The following TTLL5 variants were observed in gnomAD, a reference collection of about 807,000 sequenced individuals.
The protein encoded by TTLL5 is tubulin tyrosine ligase like 5.
In TTLL5, 132 loss-of-function variants were observed where a neutral mutation model predicts 168.4. The observed-to-expected ratio is 0.78, with a 90% CI of 0.68 to 0.91. The LOEUF is 0.91. Among genes scored for constraint, TTLL5 ranks in the 40% least tolerant of loss-of-function variants. The pLI is 0.00. For missense variants in TTLL5, 1,545 were observed against 1,581.5 expected (o/e 0.98, Z 0.39); for synonymous variants, 546 against 558.6 (o/e 0.98, Z 0.32).
At chr14:75,927,566 AGT>A (rs2140158163) in intron 31 of TTLL5, among the ~76,000 whole-genome samples, 1 of 152,332 alleles carries the variant, frequency 6.6e-6, no homozygotes, top group Admixed American at 6.5e-5. Context: ...ATACGTATTT[AGT>A]GTGTCCTGTT....
At chr14:75,950,559 GA>G (rs1233694188) in intron 31 of TTLL5, among the ~76,000 whole-genome samples, 11 of 152,226 alleles carry the variant, frequency 7.2e-5, no homozygotes, top group African/African-American at 2.7e-4. Context: ...AAACAAATGT[GA>G]AGAGATGAAA....
At chr14:75,696,174 G>T (rs1015977005) in intron 6 of TTLL5, among the ~76,000 whole-genome samples, 1 of 152,058 alleles carries the variant, frequency 6.6e-6, no homozygotes. Context: ...ACAGGTGTGA[G>T]TGAGCCTATT....
At chr14:75,883,373 A>C (rs1007656003) in intron 30 of TTLL5, among the ~76,000 whole-genome samples, 1 of 152,254 alleles carries the variant, frequency 6.6e-6, no homozygotes, top group African/African-American at 2.4e-5. Flanking sequence ...TTGTTAAGTC[A>C]AAATCCTTCA....
At chr14:75,945,630 C>A (rs1042860088) in intron 31 of TTLL5, among the ~76,000 whole-genome samples, 3 of 151,852 alleles carry the variant, frequency 2.0e-5, no homozygotes, top group Non-Finnish European at 4.4e-5. Flanking sequence ...ATTGGGAATG[C>A]AGCACAGAAA....
chr14:75,842,297 C>T (rs775714744), intron 28 of TTLL5, among the ~76,000 whole-genome samples: 4 of 152,204 alleles, frequency 2.6e-5, no homozygotes, highest in Non-Finnish European at 4.4e-5. Flanking sequence ...TCTGGACTGT[C>T]GCTCTCCCAC....
chr14:75,850,019 T>C (rs1444440552), intron 28 of TTLL5, among the ~76,000 whole-genome samples: 1 of 151,824 alleles, frequency 6.6e-6, no homozygotes. Context: ...GGTGGGAGGA[T>C]TGCTTGAGCC....
chr14:75,788,434 A>G (rs184020047), intron 26 of TTLL5, among the ~76,000 whole-genome samples: 4 of 152,246 alleles, frequency 2.6e-5, no homozygotes, highest in Admixed American at 1.3e-4. Context: ...AAAAGCAGAC[A>G]TAGAAAATAT....
intron 27 of TTLL5, among the ~76,000 whole-genome samples, chr14:75,806,938 C>G (rs761612317): frequency 2.6e-5 from 4 of 152,098 alleles, no homozygotes; most frequent in Non-Finnish European, 5.9e-5. Flanking sequence ...AGTCATCTTT[C>G]TATTCTGTGT....
chr14:75,843,877 G>GTTTTGTTTTGTTTTGTTTTA (rs1208784264), intron 28 of TTLL5, among the ~76,000 whole-genome samples: 33 of 130,708 alleles, frequency 2.5e-4, no homozygotes, highest in African/African-American at 9.8e-4. Flanking sequence ...GTTTTGTTTT[G>GTTTTGTTTTGTTTTGTTTTA]TTTTATTTTA....
intron 21 of TTLL5, among the ~76,000 whole-genome samples, chr14:75,774,329 C>G (rs1891580875): frequency 6.6e-6 from 1 of 152,040 alleles, no homozygotes; most frequent in South Asian, 2.1e-4. Context: ...CTTTCTTTAC[C>G]TTAATAACTT....
chr14:75,788,277 G>T (rs1566604833), intron 26 of TTLL5, among the ~76,000 whole-genome samples: 1 of 151,994 alleles, frequency 6.6e-6, no homozygotes, highest in African/African-American at 2.4e-5. Context: ...AAAGATAAGA[G>T]CAATAATTAT....
At chr14:75,738,503 G>A (rs1022565783) in intron 15 of TTLL5, among the ~76,000 whole-genome samples, 1 of 152,144 alleles carries the variant, frequency 6.6e-6, no homozygotes. Context: ...ATAACTTACT[G>A]GATGCCTTGT....
chr14:75,752,834 T>A, intron 17 of TTLL5, 59 bp from the exon 18 acceptor site: 2 of 1,501,952 alleles, frequency 1.3e-6, no homozygotes, highest in Non-Finnish European at 1.8e-6. Context: ...TGGTTGTATT[T>A]CTACATTTTC....
At chr14:75,703,651 C>G (rs750829853) in intron 7 of TTLL5, among the ~76,000 whole-genome samples, 1 of 152,146 alleles carries the variant, frequency 6.6e-6, no homozygotes, top group Non-Finnish European at 1.5e-5. Context: ...CACACATGAT[C>G]CATGGGAAAT....
Position 75,771,975 on chromosome 14 carries a change from A to G in TTLL5, c.2136+121A>G. On this transcript the variant is annotated intron_variant, in intron 21 of 31. Coordinates refer to ENST00000298832, the MANE Select transcript of TTLL5 (RefSeq NM_015072.5). ...TTTTCTGGTGAAAGGATTATTATGTAAGAAGGTTTTTAGATTTCTTATAAA... is the reference window on the plus strand; with the variant it reads ...TTTTCTGGTGAAAGGATTATTATGTGAGAAGGTTTTTAGATTTCTTATAAA... The G allele has an allele frequency of 7.8e-6, 9 of 1,153,314 alleles. No homozygotes were observed. In the South Asian group the frequency reaches 1.2e-4, roughly 15 times the overall value. 71.4% of individuals were successfully genotyped at this position (1,153,314 alleles called of 1,614,324 possible). A position where few individuals can be genotyped will look rare whatever the true frequency, so the allele number is the denominator to read the frequency against.
Position 75,745,089 on chromosome 14 carries a change from C to T in TTLL5, c.1282-6C>T, listed in dbSNP as rs774267442. 5 of 1,613,092 alleles carry T rather than the reference C, an allele frequency of 3.1e-6. No individual in the cohort carries two copies. In the African/African-American group the frequency reaches 6.7e-5, roughly 22 times the overall value. Reference sequence around the variant, plus strand: ...TTTTTTACTATTTTCATTTTCTTCTCCTTAGCGTTGCCGTCCACTCTCTGC... The same window carrying T: ...TTTTTTACTATTTTCATTTTCTTCTTCTTAGCGTTGCCGTCCACTCTCTGC... On this transcript the variant is annotated splice_polypyrimidine_tract_variant and splice_region_variant and intron_variant, in intron 15 of 31. Transcript: ENST00000298832.
intron 27 of TTLL5, among the ~76,000 whole-genome samples, chr14:75,794,253 A>G (rs534641969): frequency 6.6e-6 from 1 of 152,280 alleles, no homozygotes; most frequent in East Asian, 1.9e-4. Flanking sequence ...GATTTTAGTG[A>G]TAGAATTATG....
chr14:75,914,703 A>C lies in TTLL5; in HGVS notation c.3823+12479A>C, dbSNP rs553290434. 4.1e-5 allele frequency among the ~76,000 whole-genome samples: 6 copies of C among 145,016 alleles called. No homozygotes were observed. In the East Asian group the frequency reaches 1.0e-3, roughly 24 times the overall value. On this transcript the variant is annotated intron_variant, in intron 31 of 31. Coordinates refer to ENST00000298832, the MANE Select transcript of TTLL5 (RefSeq NM_015072.5). ...CAATGGCCCAATCTCGGCTCACTGC[A>C]AGCTCCGCCTCCCAGGTTCACGCCA...
intron 21 of TTLL5, among the ~76,000 whole-genome samples, chr14:75,774,754 T>C (rs531497464): frequency 6.6e-6 from 1 of 152,284 alleles, no homozygotes; most frequent in Admixed American, 6.5e-5. Context: ...CGTGGCATGA[T>C]CTTGGCTCGG....
Sources: gnomAD v4.1 joint callset for allele counts (sites outside exome capture counted in the v4.1 genomes callset) on GRCh38, gnomAD v4.1.1 for gene constraint, MANE v1.5 for transcripts, NCBI Gene and HGNC (gene_info 2026-07-23, HGNC 2026-07-21) for gene names.